The following PDXDC1 variants were observed in gnomAD, a reference collection of about 807,000 sequenced individuals.
PDXDC1 encodes pyridoxal-dependent decarboxylase domain-containing protein 1.
Under a neutral mutation model 100.1 loss-of-function variants are expected in PDXDC1, and 42 were observed. The ratio of observed to expected loss-of-function variants is 0.42; its 90% CI spans 0.33 to 0.54. The LOEUF is 0.54. PDXDC1 is among the 20% of genes least tolerant of loss of function. The pLI is 0.10. For missense variants in PDXDC1, 636 were observed against 979.2 expected (o/e 0.65, Z 4.68); for synonymous variants, 260 against 371.7 (o/e 0.70, Z 3.46).
intron 16 of PDXDC1, chr16:15,137,592 C>G: frequency 1.5e-6 from 2 of 1,356,916 alleles, no homozygotes; most frequent in Admixed American, 3.9e-5. Context: ...GGCTCCACCC[C>G]ACACACCCCC....
rs1437956958 is a variant in PDXDC1 at position 15,125,214 on chromosome 16, G to C, written c.1400-13665G>C. 92 of 513,342 alleles carry C rather than the reference G, an allele frequency of 1.8e-4. No homozygotes were observed. The African/African-American group carries it at 1.8e-3, about 10-fold the overall frequency. The allele number at this position is 513,342 out of a possible 1,614,324, so 31.8% of individuals were successfully genotyped here. A position where few individuals can be genotyped will look rare whatever the true frequency, so the allele number is the denominator to read the frequency against. On this transcript the variant is annotated intron_variant, in intron 16 of 16. Transcript: ENST00000535621. Reference sequence around the variant, plus strand: ...GATTTCGGTTGTGTTGGTTGTAAAAGGAGAGACCCAGTAAGTGGGGGTTGT... The same window carrying C: ...GATTTCGGTTGTGTTGGTTGTAAAACGAGAGACCCAGTAAGTGGGGGTTGT...
the PDXDC1 span, among the ~76,000 whole-genome samples, chr16:15,149,007 T>C: frequency 5.2e-4 from 79 of 152,282 alleles, no homozygotes; most frequent in African/African-American, 1.8e-3. Flanking sequence ...AACGCCCGAG[T>C]GCGGGAGCCA....
chr16:14,978,426 G>C (rs1217402354), intron 1 of PDXDC1, among the ~76,000 whole-genome samples: 9 of 152,418 alleles, frequency 5.9e-5, no homozygotes, highest in South Asian at 4.1e-4. Flanking sequence ...ATCTCTCTCT[G>C]TCACCCAGGC....
chr16:15,065,430 A>T, intron 16 of PDXDC1: 1 of 1,496,636 alleles, frequency 6.7e-7, no homozygotes, highest in Non-Finnish European at 9.2e-7. Flanking sequence ...GACTCGGTGC[A>T]GATGTGAGCT....
intron 16 of PDXDC1, among the ~76,000 whole-genome samples, chr16:15,030,896 A>G (rs763716036): frequency 2.0e-5 from 3 of 151,836 alleles, no homozygotes; most frequent in African/African-American, 7.3e-5. Context: ...TTTACACACA[A>G]CCAGTGGCCG....
intron 16 of PDXDC1, among the ~76,000 whole-genome samples, chr16:15,124,215 T>G (rs1467438064): frequency 1.3e-5 from 2 of 152,158 alleles, no homozygotes; most frequent in Admixed American, 6.6e-5. Flanking sequence ...CCCAGGGGCC[T>G]GGTGACCAGG....
chr16:15,007,904 C>T (rs1006705984), intron 6 of PDXDC1, among the ~76,000 whole-genome samples: 4 of 152,394 alleles, frequency 2.6e-5, no homozygotes, highest in South Asian at 4.1e-4. Flanking sequence ...GTTATGTTCA[C>T]GTTTTTTAAA....
chr16:15,093,925 G>T, intron 16 of PDXDC1: 1 of 548,384 alleles, frequency 1.8e-6, no homozygotes, highest in Admixed American at 3.8e-5. Flanking sequence ...CGGGAAAGGG[G>T]GCCTCCAGAA....
chr16:15,094,437 C>A, intron 16 of PDXDC1: 2 of 607,596 alleles, frequency 3.3e-6, no homozygotes, highest in Non-Finnish European at 5.8e-6. Context: ...CCAGCCAGCG[C>A]TAGTGCGTGA....
At chr16:15,088,267 G>C (rs1156724076) in intron 16 of PDXDC1, among the ~76,000 whole-genome samples, 3 of 152,174 alleles carry the variant, frequency 2.0e-5, no homozygotes, top group African/African-American at 2.4e-5. Flanking sequence ...CTTGAGCCCA[G>C]GAATTTGAGA....
rs756384562 is a variant in PDXDC1, at chr16:15,094,146, C to T, written c.1400-44733C>T. On this transcript the variant is annotated intron_variant, in intron 16 of 16. Transcript: ENST00000535621. ...AGAAGGAAGCGGCCTGAATCTTACC[C>T]AGTCCTCGACGCGCCCAGCTTCTTA... 3.8e-6 allele frequency: 6 copies of T among 1,596,040 alleles called. No individual in the cohort carries two copies. In the South Asian group the frequency reaches 6.8e-5, roughly 18 times the overall value.
intron 8 of PDXDC1, among the ~76,000 whole-genome samples, chr16:15,011,631 CT>C: frequency 0.061 from 7,981 of 130,610 alleles, 50 homozygotes; most frequent in East Asian, 0.11. Context: ...ACATTTTTTT[CT>C]TTTTTTTTTT....
rs911941651 is a variant in PDXDC1 at position 15,094,462 on chromosome 16, G to A, written c.1400-44417G>A. On this transcript the variant is annotated intron_variant, in intron 16 of 16. Transcript: ENST00000535621. The stretch of plus-strand genomic sequence containing the variant: ...CTAGTGCGTGAGTATAAGGAGAGAC[G>A]GGAAGGACCGGCTCCATCCAGCCCT... 6 of 576,902 alleles carry A rather than the reference G, an allele frequency of 1.0e-5. No homozygotes were observed. The African/African-American group carries it at 1.1e-4, about 11-fold the overall frequency. The allele number at this position is 576,902 out of a possible 1,614,324, so 35.7% of individuals were successfully genotyped here. A position where few individuals can be genotyped will look rare whatever the true frequency, so the allele number is the denominator to read the frequency against.
chr16:15,136,930 G>C, intron 16 of PDXDC1: 1 of 1,588,104 alleles, frequency 6.3e-7, no homozygotes, highest in East Asian at 2.3e-5. Context: ...CTGAACCACC[G>C]CGGTTCTGGA....
chr16:15,110,950 G>A, intron 16 of PDXDC1: 1 of 721,428 alleles, frequency 1.4e-6, no homozygotes, highest in East Asian at 2.7e-5. Context: ...CCAAGATGGT[G>A]AAACCCCATC....
chr16:15,122,779 G>A (rs1185046725), intron 16 of PDXDC1, among the ~76,000 whole-genome samples: 1 of 141,754 alleles, frequency 7.1e-6, no homozygotes, highest in African/African-American at 2.6e-5. Flanking sequence ...TTAGGGCAGG[G>A]GGGAGGGAAG....
chr16:15,143,019 T>A (rs2048498710), downstream of PDXDC1, among the ~76,000 whole-genome samples: 1 of 152,124 alleles, frequency 6.6e-6, no homozygotes, highest in Non-Finnish European at 1.5e-5. Flanking sequence ...AGGGACAGCC[T>A]GATGGGTGCC....
chr16:15,041,374 G>T (rs1356524770), downstream of PDXDC1, among the ~76,000 whole-genome samples: 1 of 152,084 alleles, frequency 6.6e-6, no homozygotes, highest in Non-Finnish European at 1.5e-5. Context: ...TGCCACACGG[G>T]TGGCAGCTCC....
At chr16:15,068,921 C>G (rs1467945160) in intron 16 of PDXDC1, among the ~76,000 whole-genome samples, 1 of 152,122 alleles carries the variant, frequency 6.6e-6, no homozygotes, top group Non-Finnish European at 1.5e-5. Flanking sequence ...TTCTTTGATA[C>G]GTATTTCAAT....
Sources: gnomAD v4.1 joint callset for allele counts (sites outside exome capture counted in the v4.1 genomes callset) on GRCh38, gnomAD v4.1.1 for gene constraint, MANE v1.5 for transcripts, NCBI Gene and HGNC (gene_info 2026-07-23, HGNC 2026-07-21) for gene names.